The following FRMD5 variants were observed in gnomAD, a reference collection of about 807,000 sequenced individuals.
The protein encoded by FRMD5 is FERM domain-containing protein 5.
In FRMD5, 20 loss-of-function variants were observed where a neutral mutation model predicts 69.0. The observed-to-expected ratio is 0.29, with a 90% CI of 0.20 to 0.42. The LOEUF is 0.42. Ranked by LOEUF, FRMD5 falls within the 10% of genes least tolerant of loss-of-function variation. The pLI is 1.00. For missense variants in FRMD5, 595 were observed against 708.6 expected (o/e 0.84, Z 1.82); for synonymous variants, 271 against 260.1 (o/e 1.04, Z -0.40).
intron 6 of FRMD5, among the ~76,000 whole-genome samples, 179 bp from the exon 7 acceptor site, chr15:43,902,441 A>T (rs2089069554): frequency 6.6e-6 from 1 of 152,158 alleles, no homozygotes; most frequent in Non-Finnish European, 1.5e-5. Flanking sequence ...GACTGTCTTC[A>T]AACGTTTTCA....
At chr15:43,910,016 C>A (rs1399726763) in intron 4 of FRMD5, 37 bp from the exon 5 acceptor site, 1 of 1,171,808 alleles carries the variant, frequency 8.5e-7, no homozygotes, top group Non-Finnish European at 1.3e-6. Context: ...TAAAGGATTT[C>A]TTTGATTGCT....
intron 1 of FRMD5, among the ~76,000 whole-genome samples, chr15:43,978,440 A>G (rs1199346494): frequency 6.6e-6 from 1 of 152,168 alleles, no homozygotes; most frequent in Non-Finnish European, 1.5e-5. Flanking sequence ...AGGGACTGCG[A>G]TTGAGTTGGG....
intron 4 of FRMD5, 66 bp from the exon 5 acceptor site, chr15:43,910,045 A>G: frequency 1.2e-6 from 1 of 855,782 alleles, no homozygotes; most frequent in Non-Finnish European, 1.9e-6. Context: ...AGAAATATGT[A>G]TTGTAAGCCT....
intron 1 of FRMD5, among the ~76,000 whole-genome samples, chr15:43,935,919 A>G (rs1161360895): frequency 6.6e-6 from 1 of 152,236 alleles, no homozygotes; most frequent in Non-Finnish European, 1.5e-5. Context: ...TGAGGGTCTA[A>G]TCTGAGCAAG....
intron 5 of FRMD5, among the ~76,000 whole-genome samples, chr15:43,909,225 T>G (rs943692204): frequency 5.9e-5 from 9 of 151,302 alleles, no homozygotes; most frequent in African/African-American, 1.9e-4. Flanking sequence ...TGAAACTCCA[T>G]CTCTACTAAA....
chr15:44,150,874 T>C (rs574064095), intron 1 of FRMD5, among the ~76,000 whole-genome samples: 3 of 151,996 alleles, frequency 2.0e-5, no homozygotes, highest in African/African-American at 4.8e-5. Context: ...GGTGGATCAA[T>C]TGAGATCAGG....
intron 1 of FRMD5, among the ~76,000 whole-genome samples, chr15:43,954,339 A>G (rs1183728175): frequency 6.6e-6 from 1 of 152,196 alleles, no homozygotes; most frequent in African/African-American, 2.4e-5. Flanking sequence ...TCATCACTGC[A>G]CTGGGTACTG....
rs147295109 is a variant in FRMD5 at position 44,071,581 on chromosome 15, A to T, written c.102+123372T>A. Among the ~76,000 whole-genome samples the T allele has an allele frequency of 1.5e-4, 23 of 152,336 alleles. No individual in the cohort carries two copies. The East Asian group carries it at 4.4e-3, about 29-fold the overall frequency. On this transcript the variant is annotated intron_variant, in intron 1 of 13. Transcript: ENST00000417257. ...CCACCTTGCTTTACGGTGAGCTTAC[A>T]GCTAATTATAAACTTGGGGTCTCTT...
intron 1 of FRMD5, among the ~76,000 whole-genome samples, chr15:44,038,230 T>C (rs968723320): frequency 3.3e-5 from 5 of 152,322 alleles, no homozygotes; most frequent in Admixed American, 3.3e-4. Flanking sequence ...TGTTCTCCCA[T>C]TCTGTAGGTT....
At chr15:43,920,215 T>A (rs1269859733) in intron 2 of FRMD5, among the ~76,000 whole-genome samples, 2 of 151,712 alleles carry the variant, frequency 1.3e-5, no homozygotes, top group Non-Finnish European at 2.9e-5. Context: ...ATGCACCAGC[T>A]TTTTTTTTCT....
At chr15:44,052,480 G>A (rs535589776) in intron 1 of FRMD5, among the ~76,000 whole-genome samples, 22 of 152,326 alleles carry the variant, frequency 1.4e-4, no homozygotes, top group Admixed American at 3.3e-4. Flanking sequence ...TAAGAGCCAA[G>A]TGCAAGGTGT....
At chr15:44,047,631 T>C (rs563740597) in intron 1 of FRMD5, among the ~76,000 whole-genome samples, 82 of 152,362 alleles carry the variant, frequency 5.4e-4, no homozygotes, top group African/African-American at 1.9e-3. Flanking sequence ...TCAGTGATTT[T>C]TGATATGTTT....
At position 43,883,729 on chromosome 15, in the gene FRMD5, C is replaced by T; in HGVS notation, c.1109G>A (p.Arg370Lys). 6.2e-7 allele frequency: 1 copy of T among 1,613,296 alleles called. No individual in the cohort carries two copies. Among genetic ancestry groups the T allele is most frequent in the Non-Finnish European group, 8.5e-7 (1 of 1,179,632 alleles). Residue 370 changes from arginine (R) to lysine (K), a missense_variant, in exon 13 of 14, where the codon AGA (arginine) becomes AAA (lysine). Around this residue, in one of 5 missense-constraint regions of FRMD5, gnomAD observed 176 missense variants for 266.3 expected, o/e 0.66. Coordinates refer to ENST00000417257, the MANE Select transcript of FRMD5 (RefSeq NM_032892.5). Reference protein sequence around the residue: ...RLSSVPRTRRRAVHISIMEGL... With the variant: ...RLSSVPRTRRKAVHISIMEGL... ...TTCCATGATGGAGATGTGAACAGCT[C>T]TTCTGCGGGTCCTGGGGACGCTGCT...
chr15:44,048,571 T>G (rs1378774536), intron 1 of FRMD5, among the ~76,000 whole-genome samples: 1 of 152,106 alleles, frequency 6.6e-6, no homozygotes, highest in East Asian at 1.9e-4. Flanking sequence ...AAGTCCAATT[T>G]AGCTATTTTG....
At chr15:44,167,463 G>T (rs1465285475) in intron 1 of FRMD5, among the ~76,000 whole-genome samples, 2 of 152,166 alleles carry the variant, frequency 1.3e-5, no homozygotes, top group Non-Finnish European at 2.9e-5. Context: ...TAGACACCTG[G>T]ATCCTGGAGG....
chr15:44,157,077 C>T (rs2077540402), intron 1 of FRMD5, among the ~76,000 whole-genome samples: 1 of 152,036 alleles, frequency 6.6e-6, no homozygotes, highest in African/African-American at 2.4e-5. Flanking sequence ...TCAACCTTCT[C>T]AAATAAAAAA....
intron 1 of FRMD5, among the ~76,000 whole-genome samples, chr15:44,098,883 G>A (rs368627473): frequency 3.2e-4 from 49 of 152,240 alleles, no homozygotes; most frequent in Middle Eastern, 6.8e-3. Flanking sequence ...TTTTAAAATA[G>A]ACTATTTGCT....
chr15:43,913,485 C>A (rs1017621094), intron 4 of FRMD5, among the ~76,000 whole-genome samples: 1 of 152,216 alleles, frequency 6.6e-6, no homozygotes, highest in Admixed American at 6.5e-5. Flanking sequence ...GTGTTTGGTT[C>A]ATTTAAGAAG....
intron 1 of FRMD5, among the ~76,000 whole-genome samples, chr15:44,040,030 T>C (rs1002477654): frequency 1.3e-5 from 2 of 151,700 alleles, no homozygotes; most frequent in Admixed American, 6.6e-5. Context: ...ATGAAGCATA[T>C]ACAAGCATCA....
Sources: gnomAD v4.1 joint callset for allele counts (sites outside exome capture counted in the v4.1 genomes callset) on GRCh38, gnomAD v4.1.1 for gene constraint, gnomAD v4.1.1 regional missense constraint, MANE v1.5 for transcripts, NCBI Gene and HGNC (gene_info 2026-07-23, HGNC 2026-07-21) for gene names.